Variants in GMEB2 observed in about 807,000 individuals in gnomAD.
GMEB2 encodes glucocorticoid modulatory element binding protein 2.
In GMEB2, 7 loss-of-function variants were observed where a neutral mutation model predicts 45.7. That is an observed-to-expected ratio of 0.15 (90% CI 0.09 to 0.29). The LOEUF is 0.29. Ranked by LOEUF, GMEB2 falls within the 10% of genes least tolerant of loss-of-function variation. The pLI, the probability that GMEB2 is intolerant of heterozygous loss-of-function variation, is 1.00. For synonymous variants in GMEB2, 322 were observed against 323.6 expected, an observed-to-expected ratio of 1.00 and a Z score of 0.05; for missense variants, 582 against 739.2, an observed-to-expected ratio of 0.79 and a Z score of 2.47.
At chr20:63,620,061 C>A (rs1240958852) in intron 1 of GMEB2, among the ~76,000 whole-genome samples, 2 of 152,186 alleles carry the variant, frequency 1.3e-5, no homozygotes, top group African/African-American at 4.8e-5. Flanking sequence ...GATTCTCCTG[C>A]CTCAGCCTCT....
chr20:63,611,035 A>G (rs2146082421), intron 2 of GMEB2, among the ~76,000 whole-genome samples: 1 of 152,336 alleles, frequency 6.6e-6, no homozygotes, highest in South Asian at 2.1e-4. Context: ...GCCCAGCAGC[A>G]CCAGCCCAGG....
At chr20:63,621,071 T>C (rs1238787933) in intron 1 of GMEB2, among the ~76,000 whole-genome samples, 1 of 152,110 alleles carries the variant, frequency 6.6e-6, no homozygotes, top group African/African-American at 2.4e-5. Context: ...TACACAAAGC[T>C]GGGATAGTCT....
intron 2 of GMEB2, among the ~76,000 whole-genome samples, chr20:63,606,923 G>A (rs1019548514): frequency 6.6e-6 from 1 of 152,188 alleles, no homozygotes; most frequent in Non-Finnish European, 1.5e-5. Flanking sequence ...CACGCGTACG[G>A]GAGAGTCTTG....
chr20:63,597,165 T>G (rs1178574065), intron 5 of GMEB2, among the ~76,000 whole-genome samples: 2 of 24,264 alleles, frequency 8.2e-5, no homozygotes, highest in Admixed American at 8.1e-4. Context: ...TTTATTCTTG[T>G]TTTTTTTTTT....
chr20:63,603,178 T>G, intron 3 of GMEB2, 86 bp from the exon 4 acceptor site: 1 of 1,467,822 alleles, frequency 6.8e-7, no homozygotes, highest in Admixed American at 1.9e-5. Flanking sequence ...ATGCAGAAAA[T>G]AGCTACCAAC....
At chr20:63,597,728 A>G (rs779469111) in intron 5 of GMEB2, 29 bp downstream of exon 5, 1 of 1,229,924 alleles carries the variant, frequency 8.1e-7, no homozygotes, top group Non-Finnish European at 1.2e-6. Flanking sequence ...CCCTTCCAGC[A>G]GGGAGGCTGA....
rs1174031789 is a variant in GMEB2, at chr20:63,589,645, A to T, written c.*444T>A. The T allele has an allele frequency of 1.7e-5, 3 of 173,708 alleles. No individual in the cohort carries two copies. Among genetic ancestry groups the T allele is most frequent in the Non-Finnish European group, 3.6e-5 (3 of 83,040 alleles). 10.8% of individuals were successfully genotyped at this position (173,708 alleles called of 1,614,324 possible). A position where few individuals can be genotyped will look rare whatever the true frequency, so the allele number is the denominator to read the frequency against. ...CTTAGCTCCCAAGTCATGAGTTAGT[A>T]ACGTCCCCAGGGACCTGGCTGGGTG... On this transcript the variant is annotated 3_prime_UTR_variant, in exon 10 of 10. Coordinates refer to ENST00000370077, the MANE Select transcript of GMEB2 (RefSeq NM_012384.5).
rs778711311 is a variant in GMEB2 at position 63,598,735 on chromosome 20, C to T, written c.358-875G>A. Among the ~76,000 whole-genome samples the T allele has an allele frequency of 2.6e-5, 4 of 152,160 alleles. No homozygotes were observed. In the South Asian group the frequency reaches 6.2e-4, roughly 24 times the overall value. The stretch of plus-strand genomic sequence containing the variant: ...AGCCAGTCTCTGGCTCTCCCTCATG[C>T]GGCTGATCAGGGAGATCCCATAGAA... On this transcript the variant is annotated intron_variant, in intron 4 of 9. Transcript: ENST00000370077.
At chr20:63,597,286 G>A (rs1049392604) in intron 5 of GMEB2, among the ~76,000 whole-genome samples, 12 of 149,936 alleles carry the variant, frequency 8.0e-5, no homozygotes, top group African/African-American at 2.7e-4. Context: ...TTAGCCTCTC[G>A]AGCAGCTGGG....
intron 4 of GMEB2, among the ~76,000 whole-genome samples, chr20:63,601,375 C>T (rs952281890): frequency 2.6e-5 from 4 of 152,140 alleles, no homozygotes; most frequent in African/African-American, 9.7e-5. Context: ...GTTTGACTCT[C>T]GTGCTTCCTG....
In GMEB2 at chr20:63,592,889, T is replaced by C; in HGVS notation, c.691+122A>G. 4.0e-6 allele frequency: 3 copies of C among 744,926 alleles called. No homozygotes were observed. The highest frequency in any genetic ancestry group is 1.5e-5 in the South Asian group (1 of 64,592). The allele number at this position is 744,926 out of a possible 1,614,324, so 46.1% of individuals were successfully genotyped here. A position where few individuals can be genotyped will look rare whatever the true frequency, so the allele number is the denominator to read the frequency against. On this transcript the variant is annotated intron_variant, in intron 7 of 9. Coordinates refer to ENST00000370077, the MANE Select transcript of GMEB2 (RefSeq NM_012384.5). The surrounding 1 kb of genome is among the most constrained non-coding windows in gnomAD (Gnocchi z 8.2). ...CGACAATGCTGCTGGAACCAGGCCT[T>C]TCTCCACAAAGACCCTGCCGGCCCC...
rs2089505160 is a variant in GMEB2, at chr20:63,604,765, G to C, written c.207C>G (p.Ser69=). ...AAAAAAFTAS[S]QLKEAVLVKM... is the part of the protein sequence containing the mutation. Reference sequence around the variant, plus strand: ...TACCTAACACGGCTTCCTTGAGCTGGGAGGAGGCTGTGAAGGCCGCGGCAG... The same window carrying C: ...TACCTAACACGGCTTCCTTGAGCTGCGAGGAGGCTGTGAAGGCCGCGGCAG... Residue 69 remains serine, a synonymous_variant, in exon 3 of 10, where the codon TCC becomes TCG. Coordinates refer to ENST00000370077, the MANE Select transcript of GMEB2 (RefSeq NM_012384.5). 2 of 1,607,844 alleles carry C rather than the reference G, an allele frequency of 1.2e-6. No individual in the cohort carries two copies. The highest frequency in any genetic ancestry group is 3.3e-5 in the Admixed American group (2 of 59,998).
At chr20:63,618,612 T>A (rs1351794473) in intron 2 of GMEB2, among the ~76,000 whole-genome samples, 1 of 152,034 alleles carries the variant, frequency 6.6e-6, no homozygotes, top group Non-Finnish European at 1.5e-5. Context: ...ATGCCACACA[T>A]GAGACACAGC....
chr20:63,606,189 T>C (rs2089517598), intron 2 of GMEB2, among the ~76,000 whole-genome samples: 1 of 152,004 alleles, frequency 6.6e-6, no homozygotes, highest in African/African-American at 2.4e-5. Context: ...GATGAAACCA[T>C]AAAAGTATTA....
At chr20:63,614,766 G>A (rs951182242) in intron 2 of GMEB2, among the ~76,000 whole-genome samples, 15 of 152,294 alleles carry the variant, frequency 9.8e-5, no homozygotes, top group Admixed American at 5.2e-4. Context: ...AAATAATGGC[G>A]TAAGCGGTCT....
At chr20:63,611,438 CCT>C (rs2089569878) in intron 2 of GMEB2, among the ~76,000 whole-genome samples, 1 of 152,122 alleles carries the variant, frequency 6.6e-6, no homozygotes, top group Non-Finnish European at 1.5e-5. Flanking sequence ...ATGGTGAAAC[CCT>C]GTCTCTACGA....
In GMEB2 at chr20:63,590,182, A is replaced by T. The variant is rs2083132046; in HGVS notation, c.1500T>A (p.Ile500=). 1 of 1,602,254 alleles carries T rather than the reference A, an allele frequency of 6.2e-7. No individual in the cohort carries two copies. The highest frequency in any genetic ancestry group is 1.7e-5 in the Admixed American group (1 of 59,188). The change falls in exon 10 of 10, where the codon ATT becomes ATA. Residue 500 remains isoleucine (I), a synonymous_variant. Coordinates refer to ENST00000370077, the MANE Select transcript of GMEB2 (RefSeq NM_012384.5). ...GGGCAGCCCCTGCGGGCACTGTCACAATTGTGCTGGAGCCAGGCGAGGCCT... is the reference window on the plus strand; with the variant it reads ...GGGCAGCCCCTGCGGGCACTGTCACTATTGTGCTGGAGCCAGGCGAGGCCT... ...VAQASPGSST[I]VTVPAGAAPG... is the part of the protein sequence containing the mutation.
intron 9 of GMEB2, 150 bp from the exon 10 acceptor site, chr20:63,590,879 C>T: frequency 2.0e-6 from 1 of 494,774 alleles, no homozygotes; most frequent in Non-Finnish European, 3.5e-6. Context: ...ACCCAGATGA[C>T]CACATGGCCG....
chr20:63,624,826 G>C (rs2089660338), intron 1 of GMEB2, among the ~76,000 whole-genome samples: 1 of 152,080 alleles, frequency 6.6e-6, no homozygotes, highest in Admixed American at 6.5e-5. Flanking sequence ...TCTTGCCTCA[G>C]CCTCCTGAGT....
Sources: allele counts gnomAD v4.1 joint callset (sites outside exome capture counted in the v4.1 genomes callset), GRCh38; gene constraint gnomAD v4.1.1; non-coding constraint Gnocchi (gnomAD v3.1); transcripts MANE v1.5; gene names NCBI Gene and HGNC (gene_info 2026-07-23, HGNC 2026-07-21).